Variants in DGKB observed in about 807,000 individuals in gnomAD.
DGKB encodes the protein diacylglycerol kinase beta, also known as 90 kDa diacylglycerol kinase.
In DGKB, 67 loss-of-function variants were observed where a neutral mutation model predicts 114.3. That is an observed-to-expected ratio of 0.59 (90% CI 0.48 to 0.72). The LOEUF is 0.72. DGKB is among the 30% of genes least tolerant of loss of function. The probability of loss-of-function intolerance (pLI) is 0.00; values close to 1 mark genes in which losing one functional copy is unlikely to be tolerated. For missense variants in DGKB, 907 were observed against 975.2 expected, an observed-to-expected ratio of 0.93 and a Z score of 0.93; for synonymous variants, 398 against 323.1, an observed-to-expected ratio of 1.23 and a Z score of -2.49.
At chr7:14,580,554 G>A (rs1034801082) in intron 19 of DGKB, among the ~76,000 whole-genome samples, 1 of 152,064 alleles carries the variant, frequency 6.6e-6, no homozygotes, top group Admixed American at 6.6e-5. Context: ...TTACCTTGAA[G>A]TGCATCCATG....
intron 23 of DGKB, chr7:14,191,911 G>C (rs1165486615): frequency 1.2e-5 from 7 of 597,860 alleles, no homozygotes; most frequent in Non-Finnish European, 1.8e-5. Context: ...TTGATTGCCA[G>C]TCTGGTAAAA....
intron 4 of DGKB, among the ~76,000 whole-genome samples, chr7:14,750,719 T>C (rs1052422450): frequency 2.0e-5 from 3 of 152,082 alleles, no homozygotes; most frequent in African/African-American, 7.2e-5. Flanking sequence ...CTAAGCCTTT[T>C]TACCAAAATG....
intron 2 of DGKB, among the ~76,000 whole-genome samples, chr7:14,771,207 C>T (rs1008790510): frequency 6.6e-6 from 1 of 152,078 alleles, no homozygotes; most frequent in Admixed American, 6.6e-5. Context: ...AGAGGTTAAT[C>T]ACATATGTCT....
At chr7:14,716,221 G>T (rs1828157353) in intron 6 of DGKB, among the ~76,000 whole-genome samples, 1 of 152,164 alleles carries the variant, frequency 6.6e-6, no homozygotes, top group South Asian at 2.1e-4. Context: ...TTCTCAAAAT[G>T]TGATCCCTAG....
chr7:14,654,734 A>C (rs1201327170), intron 13 of DGKB, among the ~76,000 whole-genome samples: 1 of 152,028 alleles, frequency 6.6e-6, no homozygotes, highest in East Asian at 1.9e-4. Flanking sequence ...TGTATTTTAC[A>C]GTCAACTCAC....
chr7:14,528,647 C>T (rs932758590), intron 20 of DGKB, among the ~76,000 whole-genome samples: 7 of 151,788 alleles, frequency 4.6e-5, no homozygotes, highest in Non-Finnish European at 1.0e-4. Context: ...AATACACATT[C>T]TATGGAGTGA....
intron 23 of DGKB, among the ~76,000 whole-genome samples, chr7:14,265,233 CAGGG>C (rs1797312613): frequency 1.3e-5 from 2 of 148,834 alleles, no homozygotes; most frequent in Non-Finnish European, 3.0e-5. Flanking sequence ...CAGAGGGCTT[CAGGG>C]TTTGGCTCGG....
At chr7:14,709,492 T>C (rs1395022467) in intron 6 of DGKB, among the ~76,000 whole-genome samples, 1 of 117,366 alleles carries the variant, frequency 8.5e-6, no homozygotes, top group African/African-American at 2.9e-5. Context: ...CTATAAATCA[T>C]GCTGCTATAA....
At chr7:14,866,870 C>A (rs1851777512) in intron 1 of DGKB, among the ~76,000 whole-genome samples, 2 of 152,170 alleles carry the variant, frequency 1.3e-5, no homozygotes, top group South Asian at 4.1e-4. Flanking sequence ...GTTCCAGTTT[C>A]TCCACATCCT....
chr7:14,657,540 G>C (rs1253383481), intron 13 of DGKB, among the ~76,000 whole-genome samples: 1 of 151,816 alleles, frequency 6.6e-6, no homozygotes, highest in Non-Finnish European at 1.5e-5. Context: ...CAAACCTTTG[G>C]TAGATGACAT....
At chr7:14,890,957 A>C (rs1781124586) in intron 1 of DGKB, among the ~76,000 whole-genome samples, 1 of 151,486 alleles carries the variant, frequency 6.6e-6, no homozygotes, top group African/African-American at 2.4e-5. Context: ...TCGAATTAAA[A>C]ATAATTTCAT....
chr7:14,588,334 TAATGAATAAG>T (rs1172900989), intron 17 of DGKB, among the ~76,000 whole-genome samples: 1 of 152,136 alleles, frequency 6.6e-6, no homozygotes, highest in African/African-American at 2.4e-5. Flanking sequence ...ATGTGTATTT[TAATGAATAAG>T]AACCTAGTTT....
At chr7:14,239,951 C>T (rs1263558767) in intron 23 of DGKB, among the ~76,000 whole-genome samples, 1 of 152,074 alleles carries the variant, frequency 6.6e-6, no homozygotes, top group Admixed American at 6.6e-5. Context: ...AAGGAATATA[C>T]TTTAGGTCTT....
chr7:14,357,992 T>C (rs1420118875), intron 21 of DGKB, among the ~76,000 whole-genome samples: 2 of 152,176 alleles, frequency 1.3e-5, no homozygotes, highest in Non-Finnish European at 2.9e-5. Context: ...CCTTTGTGGG[T>C]AACCCGACCT....
rs529447303 is a variant in DGKB, at chr7:14,685,171, A to T, written c.829+74T>A. The T allele has an allele frequency of 1.0e-5, 10 of 963,114 alleles. No individual in the cohort carries two copies. The Admixed American group carries it at 1.9e-4, about 18-fold the overall frequency. 59.7% of individuals were successfully genotyped at this position (963,114 alleles called of 1,614,324 possible). On this transcript the variant is annotated intron_variant, in intron 10 of 25. Transcript: ENST00000402815. ...GATCAGATCTTAGGTCTCCATTTAC[A>T]AATAAGACTATTCCATGAAATCAAC...
At chr7:14,686,553 G>A (rs895771653) in intron 9 of DGKB, among the ~76,000 whole-genome samples, 6 of 152,054 alleles carry the variant, frequency 3.9e-5, no homozygotes, top group South Asian at 4.2e-4. Context: ...GGGCATTAAC[G>A]TTACTCCTGT....
At chr7:14,822,458 TG>T (rs1375901968) in intron 2 of DGKB, among the ~76,000 whole-genome samples, 7 of 152,166 alleles carry the variant, frequency 4.6e-5, no homozygotes, top group Admixed American at 2.6e-4. Context: ...GTTGAGGATT[TG>T]GGGGAGAAAT....
chr7:14,413,838 G>C (rs1825280541), intron 21 of DGKB, among the ~76,000 whole-genome samples: 1 of 152,082 alleles, frequency 6.6e-6, no homozygotes. Flanking sequence ...CAGTATTTTG[G>C]CTATAAAGAG....
chr7:14,368,992 T>C (rs558779378), intron 21 of DGKB, among the ~76,000 whole-genome samples: 4 of 152,264 alleles, frequency 2.6e-5, no homozygotes, highest in African/African-American at 9.6e-5. Context: ...TACATAGGTA[T>C]ACATGTGCCA....
Sources: allele counts gnomAD v4.1 joint callset (sites outside exome capture counted in the v4.1 genomes callset), GRCh38; gene constraint gnomAD v4.1.1; transcripts MANE v1.5; gene names NCBI Gene and HGNC (gene_info 2026-07-23, HGNC 2026-07-21).